KMT2E: variants seen among roughly 807,000 people sequenced by gnomAD.
The protein encoded by KMT2E is histone reader KMT2E.
Under a neutral mutation model 184.6 loss-of-function variants are expected in KMT2E, and 30 were observed. The ratio of observed to expected loss-of-function variants is 0.16; its 90% CI spans 0.12 to 0.22. The LOEUF (loss-of-function observed/expected upper bound fraction) is 0.22. Ranked by LOEUF, KMT2E falls within the 10% of genes least tolerant of loss-of-function variation. The probability of loss-of-function intolerance (pLI) is 1.00; values close to 1 mark genes in which losing one functional copy is unlikely to be tolerated. For missense variants in KMT2E, 2,023 were observed against 2,237.4 expected (o/e 0.90, Z 1.93); for synonymous variants, 815 against 776.5 (o/e 1.05, Z -0.82).
At chr7:105,046,612 C>G (rs1033013763) in intron 3 of KMT2E, among the ~76,000 whole-genome samples, 3 of 152,124 alleles carry the variant, frequency 2.0e-5, no homozygotes, top group African/African-American at 7.2e-5. Flanking sequence ...TTTTTAAAGG[C>G]TACTGATATA....
intron 12 of KMT2E, among the ~76,000 whole-genome samples, chr7:105,081,363 G>A (rs901721235): frequency 6.6e-6 from 1 of 151,958 alleles, no homozygotes; most frequent in Non-Finnish European, 1.5e-5. Flanking sequence ...CAGCCTGGGC[G>A]AAAGTGTGAG....
intron 3 of KMT2E, among the ~76,000 whole-genome samples, chr7:105,042,001 TTTG>T (rs1249380783): frequency 6.6e-6 from 1 of 152,150 alleles, no homozygotes; most frequent in Non-Finnish European, 1.5e-5. Context: ...CTGTTCTTTT[TTTG>T]TTGTTTGTTT....
At chr7:105,051,490 A>G (rs548760052) in intron 3 of KMT2E, among the ~76,000 whole-genome samples, 3 of 152,110 alleles carry the variant, frequency 2.0e-5, no homozygotes, top group South Asian at 4.2e-4. Flanking sequence ...TGCATCATCT[A>G]TTTCTTTAAA....
chr7:105,015,273 G>T (rs927899543), intron 1 of KMT2E, among the ~76,000 whole-genome samples: 4 of 152,156 alleles, frequency 2.6e-5, no homozygotes, highest in Non-Finnish European at 5.9e-5. Context: ...TTCTATGGCA[G>T]CAGACACAGA....
chr7:105,044,262 A>G (rs960725975), intron 3 of KMT2E, among the ~76,000 whole-genome samples: 2 of 152,052 alleles, frequency 1.3e-5, no homozygotes, highest in African/African-American at 2.4e-5. Flanking sequence ...ATTTTGTAAC[A>G]TAGGCTGTTT....
chr7:105,065,695 GC>G lies in KMT2E; in HGVS notation c.417-1026del, dbSNP rs574174214. Among the ~76,000 whole-genome samples the G allele has an allele frequency of 2.3e-4, 35 of 152,172 alleles. No homozygotes were observed. In the South Asian group the frequency reaches 7.3e-3, roughly 32 times the overall value. On this transcript the variant is annotated intron_variant, in intron 5 of 26. Transcript: ENST00000311117. Reference sequence around the variant, plus strand: ...CTTTGTCTCCTCTCTCTTTCCTTCTGCCCCCCTCTCTCCCTCTTCCTGAAAA... The same window carrying G: ...CTTTGTCTCCTCTCTCTTTCCTTCTGCCCCCTCTCTCCCTCTTCCTGAAAA...
intron 8 of KMT2E, among the ~76,000 whole-genome samples, chr7:105,075,105 G>T (rs1000184031): frequency 2.0e-5 from 3 of 151,376 alleles, no homozygotes; most frequent in Non-Finnish European, 2.9e-5. Flanking sequence ...TGTACTACCA[G>T]GATTGTATTC....
intron 12 of KMT2E, among the ~76,000 whole-genome samples, chr7:105,080,642 TTAA>T (rs1797726060): frequency 1.3e-5 from 2 of 152,164 alleles, no homozygotes; most frequent in South Asian, 4.1e-4. Context: ...ACTGAAGGAG[TTAA>T]TACATATAAA....
At position 105,114,778 on chromosome 7, in the gene KMT2E, A is replaced by AAATT. The variant is rs780890824; in HGVS notation, c.*1447_*1450dup. On this transcript the variant is annotated 3_prime_UTR_variant, in exon 27 of 27. Transcript: ENST00000311117. ...TGAACCTCTATTTATTTCCTTTTGA[A>AAATT]AATTAGCTAATGATGGTACATTAAC... Among the ~76,000 whole-genome samples the AAATT allele has an allele frequency of 2.6e-5, 4 of 152,166 alleles. No homozygotes were observed. Among genetic ancestry groups the AAATT allele is most frequent in the Non-Finnish European group, 5.9e-5 (4 of 68,038 alleles).
At chr7:105,046,185 A>G (rs541842788) in intron 3 of KMT2E, among the ~76,000 whole-genome samples, 30 of 152,308 alleles carry the variant, frequency 2.0e-4, no homozygotes, top group Middle Eastern at 3.4e-3. Flanking sequence ...GTCCTCTCTA[A>G]TAAATTCACA....
intron 17 of KMT2E, chr7:105,102,839 T>A (rs926768387): frequency 6.6e-6 from 1 of 152,252 alleles, no homozygotes; most frequent in African/African-American, 2.4e-5. Flanking sequence ...CTCACACACT[T>A]TACTTTGAAA....
chr7:105,105,176 T>C (rs1798845654), intron 17 of KMT2E: 1 of 286,912 alleles, frequency 3.5e-6, no homozygotes, highest in Admixed American at 5.2e-5. Context: ...AAAAAAAAAG[T>C]AATACAAATT....
intron 9 of KMT2E, among the ~76,000 whole-genome samples, chr7:105,076,729 T>C (rs548918063): frequency 3.9e-4 from 59 of 152,308 alleles, no homozygotes; most frequent in African/African-American, 1.4e-3. Flanking sequence ...TCTAAAATTG[T>C]CACATTAAAT....
rs1160803955 is a variant in KMT2E at position 105,059,992 on chromosome 7, T to A, written c.72-2172T>A. 9.7e-5 allele frequency among the ~76,000 whole-genome samples: 7 copies of A among 72,504 alleles called. No homozygotes were observed. In the South Asian group the frequency reaches 1.5e-3, roughly 16 times the overall value. 47.6% of individuals were successfully genotyped at this position (72,504 alleles called of 152,430 possible). ...TTCTTGTTGTTGTTTTTTTTTTTTT[T>A]TTTTTTTTTTTTTTTTTTTGGAGAC... is the stretch of plus-strand genomic sequence containing the variant. On this transcript the variant is annotated intron_variant, in intron 3 of 26. Coordinates refer to ENST00000311117, the MANE Select transcript of KMT2E (RefSeq NM_182931.3).
At chr7:105,098,672 AT>A (rs1798525571) in intron 15 of KMT2E, among the ~76,000 whole-genome samples, 1 of 152,086 alleles carries the variant, frequency 6.6e-6, no homozygotes, top group African/African-American at 2.4e-5. Context: ...AAGTGCTGGG[AT>A]TACAGGCATA....
intron 3 of KMT2E, among the ~76,000 whole-genome samples, chr7:105,049,353 A>G (rs976208103): frequency 6.6e-6 from 1 of 151,962 alleles, no homozygotes; most frequent in African/African-American, 2.4e-5. Flanking sequence ...CTGAGGCGGG[A>G]TGATCGCTTG....
At chr7:105,049,491 A>G (rs939061416) in intron 3 of KMT2E, among the ~76,000 whole-genome samples, 2 of 152,080 alleles carry the variant, frequency 1.3e-5, no homozygotes, top group African/African-American at 4.8e-5. Context: ...ATTAGTAAAT[A>G]TTTATTGAGG....
rs749061637 is a variant in KMT2E, at chr7:105,108,948, C to G, written c.3475C>G (p.Leu1159Val). The G allele has an allele frequency of 6.2e-7, 1 of 1,602,590 alleles. No individual in the cohort carries two copies. Among genetic ancestry groups the G allele is most frequent in the Non-Finnish European group, 8.5e-7 (1 of 1,170,632 alleles). Reference sequence around the variant, plus strand: ...CTCATCTTTCTTGCTTAAGGTTTCTCTATTAGAATACCGTAAGAGACAACG... The same window carrying G: ...CTCATCTTTCTTGCTTAAGGTTTCTGTATTAGAATACCGTAAGAGACAACG... ...QNPPQKKKVS[L>V]LEYRKRQREA... Residue 1159 changes from leucine to valine, a missense_variant, in exon 23 of 27, where the codon CTA becomes GTA. Leu to Val is a conservative substitution (Grantham distance 32). Around this residue, in one of 8 missense-constraint regions of KMT2E, gnomAD observed 1,108 missense variants for 1,050.9 expected, o/e 1.05. Transcript: ENST00000311117.
intron 4 of KMT2E, among the ~76,000 whole-genome samples, chr7:105,062,551 T>A (rs1174922617): frequency 4.6e-5 from 7 of 152,160 alleles, no homozygotes; most frequent in Non-Finnish European, 1.0e-4. Flanking sequence ...TGTATTGTAC[T>A]ACCTACTATT....
Sources: allele counts gnomAD v4.1 joint callset (sites outside exome capture counted in the v4.1 genomes callset), GRCh38; gene constraint gnomAD v4.1.1; regional missense constraint gnomAD v4.1.1; transcripts MANE v1.5; gene names NCBI Gene and HGNC (gene_info 2026-07-23, HGNC 2026-07-21).